SLC26A7: variants seen among roughly 807,000 people sequenced by gnomAD.
The protein encoded by SLC26A7 is solute carrier family 26 member 7, also known as anion exchange transporter.
In SLC26A7, 59 loss-of-function variants were observed where a neutral mutation model predicts 82.5. The ratio of observed to expected loss-of-function variants is 0.72; its 90% CI spans 0.58 to 0.89. SLC26A7 has a LOEUF of 0.89. SLC26A7 is among the 40% of genes least tolerant of loss of function. The pLI is 0.00. For missense variants in SLC26A7, 820 were observed against 793.0 expected (o/e 1.03, Z -0.41); for synonymous variants, 271 against 274.3 (o/e 0.99, Z 0.12).
chr8:91,305,511 G>A (rs1015267311), intron 4 of SLC26A7, among the ~76,000 whole-genome samples: 15 of 152,022 alleles, frequency 9.9e-5, no homozygotes, highest in African/African-American at 2.9e-4. Context: ...CCAATCATCC[G>A]ACTGTATGAC....
intron 4 of SLC26A7, among the ~76,000 whole-genome samples, chr8:91,302,923 A>G (rs1812208198): frequency 6.8e-6 from 1 of 148,046 alleles, no homozygotes; most frequent in African/African-American, 2.5e-5. Context: ...AACTCTTGTG[A>G]TTAGGACTCA....
intron 2 of SLC26A7, among the ~76,000 whole-genome samples, chr8:91,237,460 G>T (rs796303293): frequency 6.6e-6 from 1 of 152,238 alleles, no homozygotes; most frequent in African/African-American, 2.4e-5. Context: ...CTCTATTTCA[G>T]ATTCTCTCCT....
At chr8:91,296,813 C>T (rs1453498131) in intron 4 of SLC26A7, among the ~76,000 whole-genome samples, 1 of 152,028 alleles carries the variant, frequency 6.6e-6, no homozygotes, top group Non-Finnish European at 1.5e-5. Context: ...GCCTGGGTAC[C>T]CTGTAACTTT....
chr8:91,331,124 A>G (rs1586418565), intron 5 of SLC26A7, among the ~76,000 whole-genome samples: 1 of 151,966 alleles, frequency 6.6e-6, no homozygotes, highest in East Asian at 1.9e-4. Flanking sequence ...ATATGATCTC[A>G]TTTTACCTTA....
chr8:91,237,114 G>A (rs1425533239), intron 2 of SLC26A7, among the ~76,000 whole-genome samples: 1 of 152,192 alleles, frequency 6.6e-6, no homozygotes, highest in Non-Finnish European at 1.5e-5. Flanking sequence ...GTGGCCAGGG[G>A]TAGAACATAC....
intron 16 of SLC26A7, among the ~76,000 whole-genome samples, chr8:91,390,580 A>G (rs751415684): frequency 2.4e-4 from 36 of 152,062 alleles, no homozygotes; most frequent in Non-Finnish European, 4.1e-4. Context: ...GAATCGGCTC[A>G]CCTCATCTTC....
At chr8:91,301,853 A>G (rs750668338) in intron 4 of SLC26A7, among the ~76,000 whole-genome samples, 19 of 151,226 alleles carry the variant, frequency 1.3e-4, no homozygotes, top group Non-Finnish European at 2.1e-4. Flanking sequence ...GAATTTTCCT[A>G]TGCTAATTGT....
chr8:91,356,120 G>A (rs1563696093), intron 11 of SLC26A7, among the ~76,000 whole-genome samples: 2 of 152,120 alleles, frequency 1.3e-5, no homozygotes, highest in African/African-American at 4.8e-5. Context: ...TCTTAATCCA[G>A]TCTATCATTG....
intron 14 of SLC26A7, among the ~76,000 whole-genome samples, chr8:91,367,642 T>A (rs1277363393): frequency 6.6e-6 from 1 of 152,228 alleles, no homozygotes; most frequent in Non-Finnish European, 1.5e-5. Flanking sequence ...TCTTCAGTTT[T>A]CTCACATGTA....
rs750417313 is a variant in SLC26A7 at position 91,334,435 on chromosome 8, A to G, written c.783A>G (p.Val261=). ...FKRKIKVVLP[V]DLVLIIAASF... ...GGAAAATTAAAGTTGTTCTTCCTGT[A>G]GATTTAGTTTTGGTAAGTATAAAAT... Residue 261 remains valine (V), a synonymous_variant, in exon 6 of 19, where the codon GTA becomes GTG. Coordinates refer to ENST00000276609, the MANE Select transcript of SLC26A7 (RefSeq NM_052832.4). 6.2e-7 allele frequency: 1 copy of G among 1,611,664 alleles called. No homozygotes were observed. The highest frequency in any genetic ancestry group is 2.2e-5 in the East Asian group (1 of 44,764).
chr8:91,289,233 T>C lies in SLC26A7; in HGVS notation c.291T>C (p.His97=), dbSNP rs773345203. 5.0e-6 allele frequency: 8 copies of C among 1,611,166 alleles called. No individual in the cohort carries two copies. The highest frequency in any genetic ancestry group is 2.5e-6 in the Non-Finnish European group (3 of 1,177,450). ...AIIYAIFGMG[H]HVATGTFALT... ...TTTATGCCATATTTGGAATGGGACATCATGTTGCCACAGGTAATAATTCCT... is the reference window on the plus strand; with the variant it reads ...TTTATGCCATATTTGGAATGGGACACCATGTTGCCACAGGTAATAATTCCT... The change falls in exon 3 of 19, where the codon CAT becomes CAC. Residue 97 remains histidine (H), a synonymous_variant. Transcript: ENST00000276609.
At chr8:91,222,954 A>G (rs1361173151) in intron 2 of SLC26A7, among the ~76,000 whole-genome samples, 1 of 152,136 alleles carries the variant, frequency 6.6e-6, no homozygotes, top group Non-Finnish European at 1.5e-5. Context: ...CTGTGAATCC[A>G]TCTGGTCCTG....
chr8:91,249,883 T>C (rs1175196595), intron 2 of SLC26A7, 39 bp downstream of exon 2: 1 of 1,427,570 alleles, frequency 7.0e-7, no homozygotes. Flanking sequence ...TTATGCAGAG[T>C]AGATGTCACT....
chr8:91,367,848 T>G (rs533874361), intron 14 of SLC26A7, among the ~76,000 whole-genome samples: 1 of 152,292 alleles, frequency 6.6e-6, no homozygotes, highest in East Asian at 1.9e-4. Flanking sequence ...GTCATTTAGG[T>G]ACACAGAAGA....
chr8:91,245,121 A>T (rs1053467487), upstream of SLC26A7, among the ~76,000 whole-genome samples: 2 of 152,202 alleles, frequency 1.3e-5, no homozygotes, highest in South Asian at 4.1e-4. Context: ...TTTTTTAAAT[A>T]AACAGCACCA....
chr8:91,318,491 T>A, intron 5 of SLC26A7, 111 bp downstream of exon 5: 1 of 908,250 alleles, frequency 1.1e-6, no homozygotes, highest in Non-Finnish European at 1.6e-6. Flanking sequence ...AACTTGGGTT[T>A]AAATAAAATC....
chr8:91,376,144 T>A (rs1048456171), intron 15 of SLC26A7, among the ~76,000 whole-genome samples: 2 of 152,206 alleles, frequency 1.3e-5, no homozygotes, highest in Non-Finnish European at 2.9e-5. Flanking sequence ...CTGGTTTCTT[T>A]GTGCAGGTTT....
At chr8:91,252,461 T>C (rs1810685342) in intron 2 of SLC26A7, among the ~76,000 whole-genome samples, 1 of 152,058 alleles carries the variant, frequency 6.6e-6, no homozygotes, top group African/African-American at 2.4e-5. Context: ...ACTACAGTCT[T>C]TCTGAAATCC....
chr8:91,256,283 A>C (rs900532509), intron 2 of SLC26A7, among the ~76,000 whole-genome samples: 7 of 152,132 alleles, frequency 4.6e-5, no homozygotes, highest in African/African-American at 1.4e-4. Context: ...TGAGAGCAGG[A>C]TCTAGCCATA....
Sources: gnomAD v4.1 joint callset for allele counts (sites outside exome capture counted in the v4.1 genomes callset) on GRCh38, gnomAD v4.1.1 for gene constraint, MANE v1.5 for transcripts, NCBI Gene and HGNC (gene_info 2026-07-23, HGNC 2026-07-21) for gene names.